The following PRRG1 variants were observed in gnomAD, a reference collection of about 807,000 sequenced individuals.
PRRG1 encodes the protein transmembrane gamma-carboxyglutamic acid protein 1.
PRRG1 carries 5 observed loss-of-function variants against 11.8 expected under a neutral mutation model. The observed-to-expected ratio is 0.42, with a 90% CI of 0.22 to 0.89. The LOEUF (loss-of-function observed/expected upper bound fraction) is 0.89, where lower values mean the gene tolerates loss of function less well. Among genes scored for constraint, PRRG1 ranks in the 40% least tolerant of loss-of-function variants. The pLI is 0.28. For missense variants in PRRG1, 155 were observed against 166.1 expected (o/e 0.93, Z 0.37); for synonymous variants, 66 against 60.4 (o/e 1.09, Z -0.43).
chrX:37,406,004 C>A (rs1932178885), intron 1 of PRRG1, among the ~76,000 whole-genome samples: 1 of 111,811 alleles, frequency 8.9e-6, no homozygotes. Context: ...TGATATAGAG[C>A]CCCTGCTTCC....
chrX:37,399,916 C>G (rs1185695523), intron 1 of PRRG1, among the ~76,000 whole-genome samples: 11 of 111,033 alleles, frequency 9.9e-5, no homozygotes, highest in African/African-American at 3.6e-4. Context: ...AGGATCAATT[C>G]AACAAGAACA....
intron 2 of PRRG1, among the ~76,000 whole-genome samples, chrX:37,420,668 C>CAAA (rs1302856034): frequency 1.7e-4 from 5 of 29,460 alleles, no homozygotes; most frequent in African/African-American, 5.7e-4. Context: ...CCCGTCTATG[C>CAAA]AAAAAAAAAA....
chrX:37,394,854 TTTAAC>T (rs1367590629), intron 1 of PRRG1, among the ~76,000 whole-genome samples: 2 of 111,157 alleles, frequency 1.8e-5, no homozygotes, highest in African/African-American at 3.3e-5. Flanking sequence ...CCAAATCATA[TTTAAC>T]TTAAAACATT....
intron 1 of PRRG1, among the ~76,000 whole-genome samples, chrX:37,356,616 G>C (rs1556366267): frequency 9.0e-6 from 1 of 111,163 alleles, no homozygotes; most frequent in Non-Finnish European, 1.9e-5. Flanking sequence ...TTGAGTTAGA[G>C]ATGATTATTT....
At chrX:37,451,128 C>T (rs1556396469) in intron 3 of PRRG1, among the ~76,000 whole-genome samples, 1 of 111,947 alleles carries the variant, frequency 8.9e-6, no homozygotes, top group African/African-American at 3.3e-5. Flanking sequence ...AAGCAGTTCT[C>T]CTGCCTCAGC....
chrX:37,441,622 G>A (rs967649205), intron 3 of PRRG1: 18 of 797,379 alleles, frequency 2.3e-5, no homozygotes, highest in African/African-American at 6.7e-5. Context: ...TGCTTCCTAC[G>A]TGTACCTGTC....
chrX:37,434,465 A>T (rs1263815313), intron 3 of PRRG1, among the ~76,000 whole-genome samples: 2 of 111,840 alleles, frequency 1.8e-5, no homozygotes, highest in Non-Finnish European at 3.8e-5. Context: ...GTAAACCTTA[A>T]ATATACCCAA....
At chrX:37,363,247 CT>C (rs1314867588) in intron 1 of PRRG1, among the ~76,000 whole-genome samples, 1 of 109,892 alleles carries the variant, frequency 9.1e-6, no homozygotes, top group African/African-American at 3.3e-5. Flanking sequence ...CAGCATGGAG[CT>C]TTTTTTTTAG....
At chrX:37,354,040 C>T (rs1393552386) in intron 1 of PRRG1, among the ~76,000 whole-genome samples, 3 of 112,464 alleles carry the variant, frequency 2.7e-5, no homozygotes, top group African/African-American at 9.7e-5. Context: ...CCTGTTTGAG[C>T]TCCAGTTCTG....
intron 1 of PRRG1, among the ~76,000 whole-genome samples, chrX:37,361,776 T>G (rs150683304): frequency 1.8e-5 from 2 of 111,874 alleles, no homozygotes; most frequent in African/African-American, 6.5e-5. Context: ...CCCAGTGTGC[T>G]TGTTCTTTGT....
At chrX:37,425,461 A>G (rs142477468) in intron 2 of PRRG1, among the ~76,000 whole-genome samples, 2,208 of 111,989 alleles carry the variant, frequency 0.02, 55 homozygotes, top group African/African-American at 0.067. Flanking sequence ...AAGACTGATA[A>G]TCTAGAGACT....
At chrX:37,403,360 TC>T (rs1376097624) in intron 1 of PRRG1, among the ~76,000 whole-genome samples, 1 of 107,259 alleles carries the variant, frequency 9.3e-6, no homozygotes, top group African/African-American at 3.4e-5. Context: ...ATCATCATTC[TC>T]AGTAAACTAT....
intron 1 of PRRG1, among the ~76,000 whole-genome samples, chrX:37,376,186 G>A (rs1430671647): frequency 1.8e-5 from 2 of 110,367 alleles, no homozygotes; most frequent in African/African-American, 3.3e-5. Flanking sequence ...TTTCATTGAT[G>A]ATAACCAGTT....
intron 1 of PRRG1, among the ~76,000 whole-genome samples, chrX:37,374,879 A>AT (rs1484059696): frequency 3.5e-4 from 39 of 111,126 alleles, no homozygotes; most frequent in Non-Finnish European, 6.2e-4. Flanking sequence ...ATGCTTTGTG[A>AT]TTTTTTTGTC....
At chrX:37,403,788 C>T in intron 1 of PRRG1, 4 of 750,052 alleles carry the variant, frequency 5.3e-6, no homozygotes, top group Non-Finnish European at 6.3e-6. Context: ...GTAACCTGGG[C>T]CTGGGGGAGT....
At position 37,454,621 on chromosome X, in the gene PRRG1, G is replaced by A. The variant is rs1204429882; in HGVS notation, c.*1000G>A. On this transcript the variant is annotated 3_prime_UTR_variant, in exon 4 of 4. Coordinates refer to ENST00000378628, the MANE Select transcript of PRRG1 (RefSeq NM_001142395.2). ...TCTTAATATTTTTATATAGGCTGAT[G>A]TCTTTGCCTCAAGATTGTTAGGAGG... The A allele has an allele frequency of 8.9e-6, 1 of 111,834 alleles. No individual in the cohort carries two copies. The highest frequency in any genetic ancestry group is 1.9e-5 in the Non-Finnish European group (1 of 53,235). 9.2% of individuals were successfully genotyped at this position (111,834 alleles called of 1,213,427 possible).
intron 2 of PRRG1, among the ~76,000 whole-genome samples, chrX:37,411,071 C>T (rs1556383669): frequency 9.0e-6 from 1 of 111,510 alleles, no homozygotes; most frequent in Non-Finnish European, 1.9e-5. Flanking sequence ...TCTGTAGGTT[C>T]CACATCTGTA....
Position 37,438,410 on chromosome X carries a change from G to A in PRRG1, c.171+12410G>A, listed in dbSNP as rs1407061378. Among the ~76,000 whole-genome samples the A allele has an allele frequency of 4.0e-5, 4 of 98,891 alleles. No individual in the cohort carries two copies. The East Asian group carries it at 9.3e-4, about 23-fold the overall frequency. The allele number at this position is 98,891 out of a possible 115,157, so 85.9% of individuals were successfully genotyped here. A position where few individuals can be genotyped will look rare whatever the true frequency, so the allele number is the denominator to read the frequency against. ...ACATACTATGACATGGCATGGATTCGTTGAAAGCAGAATTTTTTCCTTTTT... is the reference window on the plus strand; with the variant it reads ...ACATACTATGACATGGCATGGATTCATTGAAAGCAGAATTTTTTCCTTTTT... On this transcript the variant is annotated intron_variant, in intron 3 of 3. Transcript: ENST00000378628.
chrX:37,425,752 T>A, intron 2 of PRRG1, 88 bp from the exon 3 acceptor site: 1 of 838,258 alleles, frequency 1.2e-6, no homozygotes, highest in East Asian at 3.4e-5. Flanking sequence ...TTTAGGATGT[T>A]GGCTATGTTT....
Sources: gnomAD v4.1 joint callset for allele counts (sites outside exome capture counted in the v4.1 genomes callset) on GRCh38, gnomAD v4.1.1 for gene constraint, MANE v1.5 for transcripts, NCBI Gene and HGNC (gene_info 2026-07-23, HGNC 2026-07-21) for gene names.